The following CACNA1E variants were observed in gnomAD, a reference collection of about 807,000 sequenced individuals.
CACNA1E encodes the protein calcium voltage-gated channel subunit alpha1 E, also known as voltage-dependent R-type calcium channel subunit alpha-1E.
In CACNA1E, 40 loss-of-function variants were observed where a neutral mutation model predicts 259.2. The ratio of observed to expected loss-of-function variants is 0.15; its 90% confidence interval spans 0.12 to 0.20. The LOEUF (loss-of-function observed/expected upper bound fraction) is 0.20. Among genes scored for constraint, CACNA1E ranks in the 10% least tolerant of loss-of-function variants. The pLI, the probability that CACNA1E is intolerant of heterozygous loss-of-function variation, is 1.00. For synonymous variants in CACNA1E, 1,104 were observed against 1,138.5 expected (o/e 0.97, Z 0.61); for missense variants, 1,874 against 3,040.1 (o/e 0.62, Z 9.02).
At chr1:181,775,776 G>A (rs1015629350) in intron 37 of CACNA1E, among the ~76,000 whole-genome samples, 1 of 152,196 alleles carries the variant, frequency 6.6e-6, no homozygotes, top group East Asian at 1.9e-4. Flanking sequence ...GTATACAAAT[G>A]GTCTGTCTGG....
chr1:181,722,210 C>A (rs549957643), intron 16 of CACNA1E, among the ~76,000 whole-genome samples: 1 of 152,248 alleles, frequency 6.6e-6, no homozygotes, highest in African/African-American at 2.4e-5. Flanking sequence ...GCACATTATA[C>A]CACTAATGAA....
chr1:181,612,212 A>G (rs1654811981), intron 6 of CACNA1E, among the ~76,000 whole-genome samples: 1 of 152,214 alleles, frequency 6.6e-6, no homozygotes, highest in African/African-American at 2.4e-5. Context: ...GCTCCGTCCA[A>G]GGGCTGGACT....
intron 5 of CACNA1E, 119 bp downstream of exon 5, chr1:181,579,343 A>G: frequency 2.5e-6 from 2 of 811,012 alleles, no homozygotes; most frequent in Non-Finnish European, 3.8e-6. Flanking sequence ...TGGAATTAGA[A>G]TCAGAAGCTT....
chr1:181,730,959 A>G (rs1655415706), intron 18 of CACNA1E, among the ~76,000 whole-genome samples: 1 of 152,214 alleles, frequency 6.6e-6, no homozygotes, highest in East Asian at 1.9e-4. Context: ...TGTGTGCTTC[A>G]AAAACTAGAT....
chr1:181,797,207 T>G (rs1661887219), intron 47 of CACNA1E, among the ~76,000 whole-genome samples: 1 of 152,156 alleles, frequency 6.6e-6, no homozygotes, highest in African/African-American at 2.4e-5. Flanking sequence ...TGATCCTCAG[T>G]ATTTGTGAGA....
chr1:181,583,943 T>G (rs1651805549), intron 6 of CACNA1E, among the ~76,000 whole-genome samples: 2 of 152,202 alleles, frequency 1.3e-5, no homozygotes, highest in Admixed American at 6.5e-5. Flanking sequence ...CGTAACCTGA[T>G]AAGTATGTCT....
intron 6 of CACNA1E, among the ~76,000 whole-genome samples, chr1:181,597,293 A>C (rs1653278651): frequency 6.6e-6 from 1 of 152,120 alleles, no homozygotes; most frequent in African/African-American, 2.4e-5. Flanking sequence ...ATTTGAGAGG[A>C]GAAAGGGGCT....
chr1:181,553,229 C>G (rs12076682), intron 3 of CACNA1E, among the ~76,000 whole-genome samples: 6,478 of 152,114 alleles, frequency 0.043, 452 homozygotes, highest in African/African-American at 0.15. Context: ...CCCTTGTTAG[C>G]TGTATTCCTA....
chr1:181,646,988 T>C (rs1185243181), intron 6 of CACNA1E, among the ~76,000 whole-genome samples: 1 of 151,160 alleles, frequency 6.6e-6, no homozygotes. Context: ...CACGTGTGCA[T>C]GTGTGTGTCA....
intron 6 of CACNA1E, among the ~76,000 whole-genome samples, chr1:181,627,394 A>G (rs1285492173): frequency 6.6e-6 from 1 of 152,204 alleles, no homozygotes; most frequent in Non-Finnish European, 1.5e-5. Flanking sequence ...TGGTACCTGT[A>G]TCTGGAAAAT....
chr1:181,517,871 C>T (rs778291040), intron 3 of CACNA1E, among the ~76,000 whole-genome samples: 2 of 152,202 alleles, frequency 1.3e-5, no homozygotes, highest in African/African-American at 2.4e-5. Context: ...TTCCTCAGCA[C>T]TGTCTCTCTG....
At chr1:181,721,523 G>C (rs182243882) in intron 15 of CACNA1E, among the ~76,000 whole-genome samples, 3 of 152,174 alleles carry the variant, frequency 2.0e-5, no homozygotes, top group Admixed American at 6.5e-5. Flanking sequence ...TGGAGGAACA[G>C]AATCTTTCCC....
At chr1:181,738,541 T>A in intron 24 of CACNA1E, 115 bp downstream of exon 24, 1 of 805,910 alleles carries the variant, frequency 1.2e-6, no homozygotes, top group Non-Finnish European at 2.1e-6. Flanking sequence ...CAGCCCTCAG[T>A]AGAGCTTCTG....
At chr1:181,566,790 A>G (rs1292355571) in intron 3 of CACNA1E, among the ~76,000 whole-genome samples, 1 of 152,172 alleles carries the variant, frequency 6.6e-6, no homozygotes, top group Non-Finnish European at 1.5e-5. Flanking sequence ...CTCAGTTTTG[A>G]TGGAACCTCT....
At chr1:181,457,498 C>A (rs1661535389) in intron 2 of CACNA1E, among the ~76,000 whole-genome samples, 1 of 152,242 alleles carries the variant, frequency 6.6e-6, no homozygotes, top group Non-Finnish European at 1.5e-5. Context: ...GCGTTGGTGA[C>A]AAGAGGGCAT....
At chr1:181,780,069 A>G (rs968842847) in intron 38 of CACNA1E, among the ~76,000 whole-genome samples, 9 of 152,176 alleles carry the variant, frequency 5.9e-5, no homozygotes, top group Admixed American at 3.3e-4. Flanking sequence ...CAGAATGACT[A>G]TGAAAGCTAT....
chr1:181,703,093 C>T (rs1328438114), intron 7 of CACNA1E, among the ~76,000 whole-genome samples: 2 of 152,094 alleles, frequency 1.3e-5, no homozygotes, highest in African/African-American at 2.4e-5. Context: ...CCAGCATGCC[C>T]AATTATACTT....
chr1:181,790,290 CTT>C (rs33973972), intron 43 of CACNA1E, among the ~76,000 whole-genome samples, 153 bp from the exon 44 acceptor site: 40 of 115,194 alleles, frequency 3.5e-4, no homozygotes, highest in Admixed American at 3.6e-4. Context: ...TCTTCTAGTG[CTT>C]TTTTTTTTTT....
chr1:181,554,724 G>T (rs1488762814), intron 3 of CACNA1E, among the ~76,000 whole-genome samples: 2 of 152,164 alleles, frequency 1.3e-5, no homozygotes, highest in South Asian at 4.1e-4. Flanking sequence ...ATTCTCCTGG[G>T]ATTGACAATG....
Sources: gnomAD v4.1 joint callset for allele counts (sites outside exome capture counted in the v4.1 genomes callset) on GRCh38, gnomAD v4.1.1 for gene constraint, MANE v1.5 for transcripts, NCBI Gene and HGNC (gene_info 2026-07-23, HGNC 2026-07-21) for gene names.